Variants in TBC1D10A observed in about 807,000 individuals in gnomAD.
The protein encoded by TBC1D10A is EBP50-PDX interactor of 64 kDa.
TBC1D10A carries 24 observed loss-of-function variants against 52.9 expected under a neutral mutation model. The ratio of observed to expected loss-of-function variants is 0.45; its 90% CI spans 0.33 to 0.64. The LOEUF (loss-of-function observed/expected upper bound fraction) is 0.64. Among genes scored for constraint, TBC1D10A ranks in the 30% least tolerant of loss-of-function variants. The probability of loss-of-function intolerance (pLI) is 0.02; values close to 1 mark genes in which losing one functional copy is unlikely to be tolerated. For missense variants in TBC1D10A, 602 were observed against 687.9 expected (o/e 0.88, Z 1.40); for synonymous variants, 278 against 282.9 (o/e 0.98, Z 0.17).
intron 3 of TBC1D10A, chr22:30,298,208 G>A (rs1447326661): frequency 6.6e-6 from 1 of 152,234 alleles, no homozygotes; most frequent in Non-Finnish European, 1.5e-5. Context: ...TTTAACTATG[G>A]ACTTGGACTG....
rs1162522634 is a variant in TBC1D10A at position 30,324,939 on chromosome 22, C to A, written c.209+1734G>T. On this transcript the variant is annotated intron_variant, in intron 1 of 8. Transcript: ENST00000215790. ...GCCTGATAAGCATGTAGTAGGAACT[C>A]TCATGCCCTAGCATTCTCCCACAAA... 3.3e-5 allele frequency among the ~76,000 whole-genome samples: 5 copies of A among 152,214 alleles called. No individual in the cohort carries two copies. The East Asian group carries it at 9.6e-4, about 29-fold the overall frequency.
chr22:30,326,796 C>A lies in TBC1D10A; in HGVS notation c.86G>T (p.Gly29Val). 1 of 1,496,806 alleles carries A rather than the reference C, an allele frequency of 6.7e-7. No homozygotes were observed. Among genetic ancestry groups the A allele is most frequent in the Non-Finnish European group, 8.9e-7 (1 of 1,122,692 alleles). The allele number at this position is 1,496,806 out of a possible 1,614,324, so 92.7% of individuals were successfully genotyped here. ...TTCGTCGGTGGTTGCGGCGTCGGGGCCCTGGGCCAGGCTCTCCCGGGTTCC... is the reference window on the plus strand; with the variant it reads ...TTCGTCGGTGGTTGCGGCGTCGGGGACCTGGGCCAGGCTCTCCCGGGTTCC... ...LSGTRESLAQ[G>V]PDAATTDELS... The change falls in exon 1 of 9, where the codon GGC (glycine) becomes GTC (valine). Residue 29 changes from glycine to valine, a missense_variant. Transcript: ENST00000215790.
At chr22:30,300,214 G>A (rs868413076) in intron 2 of TBC1D10A, among the ~76,000 whole-genome samples, 11 of 151,968 alleles carry the variant, frequency 7.2e-5, no homozygotes, top group African/African-American at 2.4e-4. Context: ...CTGGGGAGCC[G>A]AGAAGGGCAG....
chr22:30,295,904 C>A, intron 3 of TBC1D10A, 61 bp from the exon 4 acceptor site: 1 of 1,474,766 alleles, frequency 6.8e-7, no homozygotes, highest in Non-Finnish European at 9.2e-7. Context: ...GCTGACAGGA[C>A]ACGGCTGCCC....
At position 30,326,728 on chromosome 22, in the gene TBC1D10A, C is replaced by G; in HGVS notation, c.154G>C (p.Glu52Gln). 1 of 1,541,782 alleles carries G rather than the reference C, an allele frequency of 6.5e-7. No individual in the cohort carries two copies. Among genetic ancestry groups the G allele is most frequent in the Non-Finnish European group, 8.7e-7 (1 of 1,143,174 alleles). The part of the protein sequence containing the change: ...GSDSEANGFA[E>Q]RRIDKFGFIV... ...AAGCCGAACTTGTCGATGCGGCGCT[C>G]GGCGAAGCCGTTGGCCTCCGAGTCA... The change falls in exon 1 of 9, where the codon GAG becomes CAG. Residue 52 changes from glutamate to glutamine, a missense_variant. By Grantham distance (29) the Glu-to-Gln change is conservative. Around this residue, in one of 3 missense-constraint regions of TBC1D10A, gnomAD observed 201 missense variants for 204.4 expected, o/e 0.98. Coordinates refer to ENST00000215790, the MANE Select transcript of TBC1D10A (RefSeq NM_031937.3).
At chr22:30,292,929 G>T in intron 8 of TBC1D10A, 78 bp from the exon 9 acceptor site, 1 of 1,507,302 alleles carries the variant, frequency 6.6e-7, no homozygotes. Flanking sequence ...TGGGCCCCCA[G>T]TCTTCCTCAG....
intron 1 of TBC1D10A, among the ~76,000 whole-genome samples, chr22:30,308,291 CATG>C (rs757760034): frequency 0.01 from 1,508 of 146,550 alleles, 11 homozygotes; most frequent in Non-Finnish European, 0.015. Flanking sequence ...TGCATGCCTG[CATG>C]CCTGCATGCC....
At chr22:30,314,681 G>A (rs753142612) in intron 1 of TBC1D10A, among the ~76,000 whole-genome samples, 5 of 152,044 alleles carry the variant, frequency 3.3e-5, no homozygotes, top group Non-Finnish European at 5.9e-5. Context: ...GCATAGTGCT[G>A]CATGTCTGTA....
chr22:30,294,786 C>T lies in TBC1D10A; in HGVS notation c.705+10G>A, dbSNP rs777804343. 22 of 1,613,922 alleles carry T rather than the reference C, an allele frequency of 1.4e-5. No homozygotes were observed. The highest frequency in any genetic ancestry group is 1.1e-4 in the East Asian group (5 of 44,888). On this transcript the variant is annotated intron_variant, in intron 6 of 8. Transcript: ENST00000215790. ...AGCCCAGGGCAAGTCCCAGGCCAGG[C>T]GACACTCACCAGTTTCTCGCTGTAG...
At chr22:30,315,765 A>G (rs1930523361) in intron 1 of TBC1D10A, among the ~76,000 whole-genome samples, 1 of 152,238 alleles carries the variant, frequency 6.6e-6, no homozygotes, top group African/African-American at 2.4e-5. Context: ...CTTGGGGTAC[A>G]TATGAGGAGC....
intron 2 of TBC1D10A, among the ~76,000 whole-genome samples, chr22:30,303,302 TAGATAGAC>T (rs201974523): frequency 4.6e-5 from 6 of 130,874 alleles, no homozygotes; most frequent in African/African-American, 1.1e-4. Flanking sequence ...GATAGATAGA[TAGATAGAC>T]AGACAGACAG....
At chr22:30,303,222 T>G (rs1930239992) in intron 2 of TBC1D10A, among the ~76,000 whole-genome samples, 1 of 152,156 alleles carries the variant, frequency 6.6e-6, no homozygotes, top group Non-Finnish European at 1.5e-5. Flanking sequence ...GAGGCTGCAG[T>G]GAGCCAAGAT....
At chr22:30,303,302 T>TAGATAGAC (rs201974523) in intron 2 of TBC1D10A, among the ~76,000 whole-genome samples, 3,864 of 130,952 alleles carry the variant, frequency 0.03, 155 homozygotes, top group African/African-American at 0.098. Flanking sequence ...GATAGATAGA[T>TAGATAGAC]AGATAGACAG....
chr22:30,307,782 A>G (rs1412081134), intron 1 of TBC1D10A: 1 of 152,162 alleles, frequency 6.6e-6, no homozygotes, highest in Non-Finnish European at 1.5e-5. Flanking sequence ...CTACTATAAC[A>G]TCATTCTCCC....
intron 1 of TBC1D10A, among the ~76,000 whole-genome samples, chr22:30,306,501 T>C (rs1930312812): frequency 6.6e-6 from 1 of 152,186 alleles, no homozygotes; most frequent in Non-Finnish European, 1.5e-5. Context: ...AAACCCCCAA[T>C]GTCAAACCTC....
Position 30,292,757 on chromosome 22 carries a change from C to T in TBC1D10A, c.1145G>A (p.Arg382His), listed in dbSNP as rs201955996. ...GGCACCATGCAGCCTGGGCGGGGAG[C>T]GGCACTGCAGCTCACCCCGGGTCTC... ...WQETRGELQC[R>H]SPPRLHGAKA... Residue 382 changes from arginine (R) to histidine (H), a missense_variant, in exon 9 of 9, where the codon CGC becomes CAC. Around this residue, in one of 3 missense-constraint regions of TBC1D10A, gnomAD observed 265 missense variants for 275.1 expected, o/e 0.96. Coordinates refer to ENST00000215790, the MANE Select transcript of TBC1D10A (RefSeq NM_031937.3). 1.1e-5 allele frequency: 18 copies of T among 1,611,588 alleles called. No individual in the cohort carries two copies. Among genetic ancestry groups the T allele is most frequent in the Admixed American group, 3.3e-5 (2 of 59,838 alleles).
chr22:30,324,400 C>G (rs185295950), intron 1 of TBC1D10A, among the ~76,000 whole-genome samples: 5 of 152,208 alleles, frequency 3.3e-5, no homozygotes, highest in African/African-American at 1.2e-4. Flanking sequence ...GGTTGACTGA[C>G]AGGCTCCAGA....
rs1930796235 is a variant in TBC1D10A at position 30,326,940 on chromosome 22, A to T, written c.-59T>A. 1.5e-6 allele frequency: 2 copies of T among 1,335,240 alleles called. No individual in the cohort carries two copies. Among genetic ancestry groups the T allele is most frequent in the Non-Finnish European group, 1.9e-6 (2 of 1,046,556 alleles). The allele number at this position is 1,335,240 out of a possible 1,614,324, so 82.7% of individuals were successfully genotyped here. ...CACCTCAGCCGCCCTGCTGCCGCCG[A>T]CGCCCCGCCCACGCGCGGCGCCTAT... On this transcript the variant is annotated 5_prime_UTR_variant, in exon 1 of 9. Coordinates refer to ENST00000215790, the MANE Select transcript of TBC1D10A (RefSeq NM_031937.3).
At position 30,308,386 on chromosome 22, in the gene TBC1D10A, C is replaced by T. The variant is rs117420607; in HGVS notation, c.210-3756G>A. 8.5e-3 allele frequency among the ~76,000 whole-genome samples: 1,185 copies of T among 140,202 alleles called. 5 individuals are homozygous for T. Among genetic ancestry groups the T allele is most frequent in the Non-Finnish European group, 0.012 (815 of 65,232 alleles). The allele number at this position is 140,202 out of a possible 152,430, so 92.0% of individuals were successfully genotyped here. ...GTAAAATGTCCTCCAACCTGAAGAT[C>T]TTCATCCTGGCTCAGAACACCATGT... On this transcript the variant is annotated intron_variant, in intron 1 of 8. Transcript: ENST00000215790.
Sources: gnomAD v4.1 joint callset for allele counts (sites outside exome capture counted in the v4.1 genomes callset) on GRCh38, gnomAD v4.1.1 for gene constraint, gnomAD v4.1.1 regional missense constraint, MANE v1.5 for transcripts, NCBI Gene and HGNC (gene_info 2026-07-23, HGNC 2026-07-21) for gene names.